VPS41: variants seen among roughly 807,000 people sequenced by gnomAD.
The protein encoded by VPS41 is VPS41 subunit of HOPS complex.
In VPS41, 85 loss-of-function variants were observed where a neutral mutation model predicts 130.9. That is an observed-to-expected ratio of 0.65 (90% confidence interval 0.55 to 0.78). The LOEUF is 0.78. VPS41 is among the 30% of genes least tolerant of loss of function. The probability of loss-of-function intolerance (pLI) is 0.00; values close to 1 mark genes in which losing one functional copy is unlikely to be tolerated. For synonymous variants in VPS41, 335 were observed against 332.9 expected (o/e 1.01, Z -0.07); for missense variants, 874 against 1,018.7 (o/e 0.86, Z 1.93).
chr7:38,727,912 A>C (rs1439917370), intron 27 of VPS41, among the ~76,000 whole-genome samples: 2 of 152,234 alleles, frequency 1.3e-5, no homozygotes, highest in African/African-American at 4.8e-5. Context: ...GAAGACATAT[A>C]TCTATCTGCC....
intron 21 of VPS41, 103 bp from the exon 22 acceptor site, chr7:38,752,416 G>C: frequency 3.6e-6 from 5 of 1,395,446 alleles, no homozygotes; most frequent in Non-Finnish European, 3.9e-6. Flanking sequence ...GGACAGGTTG[G>C]GGGAGAAGCA....
intron 2 of VPS41, among the ~76,000 whole-genome samples, chr7:38,880,806 T>C (rs56980069): frequency 0.26 from 39,111 of 152,176 alleles, 6,438 homozygotes; most frequent in Non-Finnish European, 0.38. Flanking sequence ...AGGAATGCCT[T>C]AAAGCCTTGA....
intron 25 of VPS41, among the ~76,000 whole-genome samples, chr7:38,737,734 G>T (rs1207103199): frequency 2.0e-5 from 3 of 152,184 alleles, no homozygotes; most frequent in Non-Finnish European, 4.4e-5. Context: ...TTCCATCACA[G>T]TGGAAACTCC....
At position 38,754,929 on chromosome 7, in the gene VPS41, A is replaced by G. The variant is rs1407321615; in HGVS notation, c.1703T>C (p.Val568Ala). ...LLMDFDSEKA[V>A]DMLLDNEDKI... The stretch of plus-strand genomic sequence containing the variant: ...ATCTTCATTGTCCAAAAGCATGTCA[A>G]CAGCTTTCTGAAACATATAAGAAAA... Residue 568 changes from valine (V) to alanine (A), a missense_variant, in exon 20 of 29, where the codon GTT (valine) becomes GCT (alanine). Coordinates refer to ENST00000310301, the MANE Select transcript of VPS41 (RefSeq NM_014396.4). 13 of 1,613,604 alleles carry G rather than the reference A, an allele frequency of 8.1e-6. No individual in the cohort carries two copies. The highest frequency in any genetic ancestry group is 1.7e-5 in the Admixed American group (1 of 59,976).
Position 38,817,807 on chromosome 7 carries a change from C to A in VPS41, c.450+10G>T. ...GGCTACATATCAAGGTAGAGACACACAGCACTTACCTTCTTCCCTCCGGTC... is the reference window on the plus strand; with the variant it reads ...GGCTACATATCAAGGTAGAGACACAAAGCACTTACCTTCTTCCCTCCGGTC... On this transcript the variant is annotated intron_variant, in intron 7 of 28. Transcript: ENST00000310301. The A allele has an allele frequency of 6.2e-7, 1 of 1,611,224 alleles. No individual in the cohort carries two copies. Among genetic ancestry groups the A allele is most frequent in the East Asian group, 2.2e-5 (1 of 44,866 alleles).
intron 7 of VPS41, among the ~76,000 whole-genome samples, chr7:38,812,393 A>T (rs1562595271): frequency 6.6e-6 from 1 of 152,156 alleles, no homozygotes; most frequent in Non-Finnish European, 1.5e-5. Context: ...AATGAACTCA[A>T]AATATATTGT....
chr7:38,905,790 T>C (rs1787246810), intron 1 of VPS41, among the ~76,000 whole-genome samples: 1 of 152,136 alleles, frequency 6.6e-6, no homozygotes, highest in Non-Finnish European at 1.5e-5. Context: ...GGGGGTTTTT[T>C]TGTTGTTGTT....
chr7:38,802,688 T>C (rs985587745), intron 7 of VPS41, among the ~76,000 whole-genome samples: 6 of 152,198 alleles, frequency 3.9e-5, no homozygotes, highest in South Asian at 2.1e-4. Context: ...CTAATTTAAC[T>C]ACCTCAAAAC....
chr7:38,783,999 C>A (rs952323471), intron 10 of VPS41, among the ~76,000 whole-genome samples: 9 of 151,924 alleles, frequency 5.9e-5, no homozygotes, highest in Non-Finnish European at 1.2e-4. Flanking sequence ...TTCAGTAAAC[C>A]CTTATTTACA....
intron 1 of VPS41, among the ~76,000 whole-genome samples, chr7:38,902,015 T>A (rs17680879): frequency 6.6e-6 from 1 of 152,138 alleles, no homozygotes; most frequent in Admixed American, 6.5e-5. Flanking sequence ...GAGCCAATTC[T>A]GGGTAACGGA....
intron 4 of VPS41, among the ~76,000 whole-genome samples, chr7:38,854,490 A>G (rs893306842): frequency 1.3e-5 from 2 of 152,218 alleles, no homozygotes; most frequent in Non-Finnish European, 2.9e-5. Flanking sequence ...CAAAAGAGTT[A>G]GGCTGTTTAG....
chr7:38,748,575 C>T (rs959409110), intron 22 of VPS41, among the ~76,000 whole-genome samples: 3 of 150,274 alleles, frequency 2.0e-5, no homozygotes, highest in Non-Finnish European at 4.4e-5. Context: ...TCACAAATTC[C>T]GGTATAAATC....
chr7:38,876,293 CAATTT>C (rs1364016502), intron 2 of VPS41, among the ~76,000 whole-genome samples: 5 of 152,076 alleles, frequency 3.3e-5, no homozygotes, highest in African/African-American at 1.2e-4. Context: ...TTTTCAAAGA[CAATTT>C]AATAACAAAA....
chr7:38,775,126 T>C (rs1267630373), intron 11 of VPS41: 1 of 152,118 alleles, frequency 6.6e-6, no homozygotes, highest in East Asian at 1.9e-4. Context: ...ATAAAACAAA[T>C]TGTATTCAAT....
chr7:38,904,239 T>C (rs886589271), intron 1 of VPS41, among the ~76,000 whole-genome samples: 1 of 152,194 alleles, frequency 6.6e-6, no homozygotes, highest in South Asian at 2.1e-4. Context: ...TCCAAGGTGT[T>C]AATGTGGGCG....
At chr7:38,870,738 T>TAAAAAAAAAAAAAAAAAAAAAAAAA (rs1786334268) in intron 2 of VPS41, among the ~76,000 whole-genome samples, 2 of 68,502 alleles carry the variant, frequency 2.9e-5, no homozygotes, top group South Asian at 7.2e-4. Flanking sequence ...GACTATATGT[T>TAAAAAAAAAAAAAAAAAAAAAAAAA]CAAAAAAAAA....
chr7:38,767,641 C>T (rs767063529), intron 14 of VPS41, 43 bp from the exon 15 acceptor site: 14 of 1,506,654 alleles, frequency 9.3e-6, no homozygotes, highest in African/African-American at 1.4e-5. Context: ...TTAACTGAAA[C>T]AACTGAAAAG....
At chr7:38,786,620 T>A (rs899865544) in intron 10 of VPS41, among the ~76,000 whole-genome samples, 11 of 152,300 alleles carry the variant, frequency 7.2e-5, no homozygotes, top group African/African-American at 2.6e-4. Context: ...AAAGTTCTTT[T>A]CTTTAATGAA....
chr7:38,837,026 T>G (rs779877163), intron 4 of VPS41, among the ~76,000 whole-genome samples: 3 of 152,192 alleles, frequency 2.0e-5, no homozygotes, highest in Non-Finnish European at 4.4e-5. Context: ...TTATCTAAAT[T>G]TCTAAAAGCA....
Sources: gnomAD v4.1 joint callset for allele counts (sites outside exome capture counted in the v4.1 genomes callset) on GRCh38, gnomAD v4.1.1 for gene constraint, MANE v1.5 for transcripts, NCBI Gene and HGNC (gene_info 2026-07-23, HGNC 2026-07-21) for gene names.